The following LRP1B variants were observed in gnomAD, a reference collection of about 807,000 sequenced individuals.
LRP1B encodes LDL receptor related protein 1B.
Under a neutral mutation model 556.6 loss-of-function variants are expected in LRP1B, and 217 were observed. That is an observed-to-expected ratio of 0.39 (90% confidence interval 0.35 to 0.44). The LOEUF is 0.44. LRP1B is among the 20% of genes least tolerant of loss of function. LRP1B has a pLI of 1.00. For missense variants in LRP1B, 5,053 were observed against 5,620.8 expected, an observed-to-expected ratio of 0.90 and a Z score of 3.23; for synonymous variants, 2,047 against 1,865.8, an observed-to-expected ratio of 1.10 and a Z score of -2.50.
intron 1 of LRP1B, among the ~76,000 whole-genome samples, chr2:141,895,729 C>A (rs1699431926): frequency 1.3e-5 from 2 of 152,210 alleles, no homozygotes; most frequent in Non-Finnish European, 2.9e-5. Context: ...GTTGTCCTTA[C>A]ATGTGCAAAA....
intron 2 of LRP1B, among the ~76,000 whole-genome samples, chr2:141,714,070 T>G (rs1472448969): frequency 6.6e-6 from 1 of 152,160 alleles, no homozygotes; most frequent in African/African-American, 2.4e-5. Flanking sequence ...TCTTTCCTTC[T>G]TTTTTTCATC....
chr2:141,836,663 C>A (rs1697291184), intron 1 of LRP1B, among the ~76,000 whole-genome samples: 1 of 151,972 alleles, frequency 6.6e-6, no homozygotes, highest in Non-Finnish European at 1.5e-5. Flanking sequence ...CTGTCACACA[C>A]TCTAACTGCT....
At chr2:141,875,722 G>A (rs1039120365) in intron 1 of LRP1B, among the ~76,000 whole-genome samples, 4 of 151,946 alleles carry the variant, frequency 2.6e-5, no homozygotes, top group Non-Finnish European at 5.9e-5. Flanking sequence ...GTCTATATTT[G>A]AGTTCATGGA....
At chr2:140,531,742 C>T (rs1574047696) in intron 47 of LRP1B, among the ~76,000 whole-genome samples, 1 of 152,044 alleles carries the variant, frequency 6.6e-6, no homozygotes, top group African/African-American at 2.4e-5. Context: ...CTCTACTGTT[C>T]CACTGAACTG....
chr2:141,491,797 G>A (rs1398967112), intron 2 of LRP1B, among the ~76,000 whole-genome samples: 1 of 152,206 alleles, frequency 6.6e-6, no homozygotes. Flanking sequence ...TGCACACAGA[G>A]ATATTGCTAT....
chr2:141,597,575 C>T (rs1204021974), intron 2 of LRP1B, among the ~76,000 whole-genome samples: 1 of 151,996 alleles, frequency 6.6e-6, no homozygotes, highest in East Asian at 1.9e-4. Flanking sequence ...TGTGTTTTTG[C>T]CCAGACTGCA....
chr2:140,369,139 C>G (rs545264136), intron 71 of LRP1B, among the ~76,000 whole-genome samples: 1 of 151,866 alleles, frequency 6.6e-6, no homozygotes, highest in African/African-American at 2.4e-5. Flanking sequence ...GAAAGTAAGT[C>G]TGGGAGGATA....
intron 2 of LRP1B, among the ~76,000 whole-genome samples, chr2:141,598,911 C>A (rs1687619975): frequency 6.6e-6 from 1 of 152,012 alleles, no homozygotes; most frequent in Non-Finnish European, 1.5e-5. Context: ...AGCTAAAAGA[C>A]TGCTGATCAG....
Position 140,557,248 on chromosome 2 carries a change from A to T in LRP1B, c.7195-15277T>A, listed in dbSNP as rs147550425. 3.6e-3 allele frequency among the ~76,000 whole-genome samples: 541 copies of T among 152,304 alleles called. 4 individuals are homozygous for T. Among genetic ancestry groups the T allele is most frequent in the African/African-American group, 0.013 (528 of 41,586 alleles). On this transcript the variant is annotated intron_variant, in intron 43 of 90. Coordinates refer to ENST00000389484, the MANE Select transcript of LRP1B (RefSeq NM_018557.3). ...CTCTCATCAATTTCTTGAATAAGAC[A>T]TTTGGAAAATGTTGTTTATTTTTAG... is the stretch of plus-strand genomic sequence containing the variant.
intron 41 of LRP1B, among the ~76,000 whole-genome samples, chr2:140,649,752 G>A (rs1684609871): frequency 6.6e-6 from 1 of 152,088 alleles, no homozygotes; most frequent in Non-Finnish European, 1.5e-5. Context: ...TAAGAATTAG[G>A]ACTCACCAAT....
At chr2:140,243,995 G>T (rs2104893240) in intron 87 of LRP1B, among the ~76,000 whole-genome samples, 1 of 151,148 alleles carries the variant, frequency 6.6e-6, no homozygotes, top group East Asian at 2.0e-4. Context: ...TTATACATTT[G>T]AATATTTCCT....
chr2:141,150,623 C>T (rs951486950), intron 7 of LRP1B, among the ~76,000 whole-genome samples: 9 of 152,102 alleles, frequency 5.9e-5, no homozygotes, highest in Non-Finnish European at 2.9e-5. Context: ...ATTCCTAATG[C>T]AGCATTTTTC....
chr2:141,049,311 G>A (rs1157658497), intron 10 of LRP1B, 89 bp from the exon 11 acceptor site: 3 of 837,876 alleles, frequency 3.6e-6, no homozygotes, highest in Non-Finnish European at 5.9e-6. Context: ...GGCACAATTA[G>A]CGTTTTTTAA....
chr2:140,749,886 G>A (rs960262053), intron 35 of LRP1B, among the ~76,000 whole-genome samples: 18 of 152,108 alleles, frequency 1.2e-4, no homozygotes, highest in African/African-American at 4.1e-4. Flanking sequence ...GACAGTGCAG[G>A]TTTGTTTACA....
At position 141,921,794 on chromosome 2, in the gene LRP1B, A is replaced by G. The variant is rs1558963026; in HGVS notation, c.83-111393T>C. ...CAATAGAAAGCAAATATTCCATTCA[A>G]AAATCTTGGCATCATAAAGAATAAC... On this transcript the variant is annotated intron_variant, in intron 1 of 90. Transcript: ENST00000389484. 2.6e-5 allele frequency among the ~76,000 whole-genome samples: 4 copies of G among 152,218 alleles called. No homozygotes were observed. The East Asian group carries it at 7.7e-4, about 29-fold the overall frequency.
intron 29 of LRP1B, among the ~76,000 whole-genome samples, chr2:140,844,598 T>C (rs1281882819): frequency 6.6e-6 from 1 of 152,108 alleles, no homozygotes; most frequent in Non-Finnish European, 1.5e-5. Context: ...ATTGAAATAA[T>C]AAATTCTAGG....
rs547332006 is a variant in LRP1B, at chr2:140,709,436, G to A, written c.6023+6537C>T. 3.3e-5 allele frequency among the ~76,000 whole-genome samples: 5 copies of A among 149,994 alleles called. 1 individual carries two copies. The highest frequency in any genetic ancestry group is 1.2e-4 in the African/African-American group (5 of 41,292). On this transcript the variant is annotated intron_variant, in intron 37 of 90. Coordinates refer to ENST00000389484, the MANE Select transcript of LRP1B (RefSeq NM_018557.3). Reference sequence around the variant, plus strand: ...GGAGGAGGCGGAAGAGGAGGAGGGGGAGGAGGAGCAGGAGGAAGAAGAAGA... The same window carrying A: ...GGAGGAGGCGGAAGAGGAGGAGGGGAAGGAGGAGCAGGAGGAAGAAGAAGA...
intron 2 of LRP1B, among the ~76,000 whole-genome samples, chr2:141,760,861 C>T (rs1382576387): frequency 2.0e-5 from 3 of 152,170 alleles, no homozygotes; most frequent in Non-Finnish European, 2.9e-5. Context: ...CACCATTTAT[C>T]ACATAAGAAA....
chr2:141,047,971 A>T (rs906775876), intron 11 of LRP1B, among the ~76,000 whole-genome samples: 2 of 152,082 alleles, frequency 1.3e-5, no homozygotes, highest in African/African-American at 4.8e-5. Flanking sequence ...ATTCTCTATT[A>T]ATCATATATT....
Sources: allele counts gnomAD v4.1 joint callset (sites outside exome capture counted in the v4.1 genomes callset), GRCh38; gene constraint gnomAD v4.1.1; transcripts MANE v1.5; gene names NCBI Gene and HGNC (gene_info 2026-07-23, HGNC 2026-07-21).